Variants in STIM2 observed in about 807,000 individuals in gnomAD.
The protein encoded by STIM2 is stromal interaction molecule 2.
In STIM2, 31 loss-of-function variants were observed where a neutral mutation model predicts 85.8. The ratio of observed to expected loss-of-function variants is 0.36; its 90% confidence interval spans 0.27 to 0.49. The LOEUF (loss-of-function observed/expected upper bound fraction) is 0.49, where lower values mean the gene tolerates loss of function less well. STIM2 is among the 20% of genes least tolerant of loss of function. The pLI, the probability that STIM2 is intolerant of heterozygous loss-of-function variation, is 0.98. For missense variants in STIM2, 841 were observed against 927.6 expected, an observed-to-expected ratio of 0.91 and a Z score of 1.21; for synonymous variants, 356 against 331.1, an observed-to-expected ratio of 1.08 and a Z score of -0.82.
chr4:26,905,865 T>A, intron 1 of STIM2, among the ~76,000 whole-genome samples: 1 of 152,142 alleles, frequency 6.6e-6, no homozygotes, highest in Non-Finnish European at 1.5e-5. Flanking sequence ...GGAAAATGTA[T>A]GAGATAAAAG....
At chr4:26,990,170 A>G (rs1727714542) in intron 3 of STIM2, among the ~76,000 whole-genome samples, 1 of 152,198 alleles carries the variant, frequency 6.6e-6, no homozygotes, top group African/African-American at 2.4e-5. Flanking sequence ...CAAAAAGAAC[A>G]CTGCTGGAGA....
At chr4:26,935,381 T>G (rs1390527580) in intron 2 of STIM2, among the ~76,000 whole-genome samples, 1 of 152,218 alleles carries the variant, frequency 6.6e-6, no homozygotes, top group Admixed American at 6.5e-5. Flanking sequence ...ACTCTATACA[T>G]CTTTTAGAAG....
Position 26,861,138 on chromosome 4 carries a change from G to C in STIM2, c.-81G>C, listed in dbSNP as rs765290221. ...CGGGGCGCCGCTGCGCTTTCACCCG[G>C]CTTCTCCTCGGCGCCTTCATCCCGC... is the stretch of plus-strand genomic sequence containing the variant. On this transcript the variant is annotated 5_prime_UTR_variant, in exon 1 of 12. Coordinates refer to ENST00000467087, the MANE Select transcript of STIM2 (RefSeq NM_020860.4). 7.9e-7 allele frequency: 1 copy of C among 1,272,318 alleles called. No homozygotes were observed. Among genetic ancestry groups the C allele is most frequent in the Admixed American group, 3.7e-5 (1 of 26,754 alleles). The allele number at this position is 1,272,318 out of a possible 1,614,324, so 78.8% of individuals were successfully genotyped here.
chr4:26,954,167 A>G (rs1280719579), intron 2 of STIM2, among the ~76,000 whole-genome samples: 1 of 152,172 alleles, frequency 6.6e-6, no homozygotes, highest in Non-Finnish European at 1.5e-5. Flanking sequence ...CAAATACAAC[A>G]TTTAAGTTAC....
rs964397543 is a variant in STIM2 at position 26,958,084 on chromosome 4, G to T, written c.397+358G>T. Among the ~76,000 whole-genome samples the T allele has an allele frequency of 2.0e-5, 3 of 152,204 alleles. No individual in the cohort carries two copies. The East Asian group carries it at 5.8e-4, about 29-fold the overall frequency. ...GTTTTCCTTTTAGTTGTGGAGAATAGTTCCTAATGTTTTTAGGAGGCTATT... is the reference window on the plus strand; with the variant it reads ...GTTTTCCTTTTAGTTGTGGAGAATATTTCCTAATGTTTTTAGGAGGCTATT... On this transcript the variant is annotated intron_variant, in intron 3 of 11. Transcript: ENST00000467087.
chr4:26,945,122 G>A (rs1725767829), intron 2 of STIM2, among the ~76,000 whole-genome samples: 1 of 152,166 alleles, frequency 6.6e-6, no homozygotes, highest in African/African-American at 2.4e-5. Flanking sequence ...GGAGTCTCCA[G>A]TGTGTGTTGT....
At chr4:26,876,883 A>C (rs1021895482) in intron 1 of STIM2, among the ~76,000 whole-genome samples, 3 of 152,134 alleles carry the variant, frequency 2.0e-5, no homozygotes, top group African/African-American at 7.2e-5. Context: ...GGTGATAGAA[A>C]ATATTTTTAC....
At chr4:26,963,211 C>T (rs1726549971) in intron 3 of STIM2, among the ~76,000 whole-genome samples, 1 of 151,966 alleles carries the variant, frequency 6.6e-6, no homozygotes, top group African/African-American at 2.4e-5. Context: ...AAAAAAATTT[C>T]TGGCCATTGA....
At chr4:26,889,307 A>T (rs151236941) in intron 1 of STIM2, among the ~76,000 whole-genome samples, 1 of 152,186 alleles carries the variant, frequency 6.6e-6, no homozygotes, top group Non-Finnish European at 1.5e-5. Context: ...CTACCATTCT[A>T]TTAAGCCAGC....
intron 11 of STIM2, chr4:27,021,220 G>C (rs1038515529): frequency 3.3e-6 from 2 of 614,354 alleles, no homozygotes; most frequent in African/African-American, 1.8e-5. Flanking sequence ...AGTTAATAAG[G>C]CTCCTTGTCC....
intron 3 of STIM2, among the ~76,000 whole-genome samples, chr4:26,985,397 C>T (rs1241816786): frequency 6.6e-6 from 1 of 152,100 alleles, no homozygotes; most frequent in African/African-American, 2.4e-5. Context: ...TTGTAACACT[C>T]AATTGAAATT....
At chr4:27,020,991 G>A in intron 11 of STIM2, 2 of 1,533,542 alleles carry the variant, frequency 1.3e-6, no homozygotes, top group Non-Finnish European at 1.7e-6. Context: ...TCCTTTCATG[G>A]AGTGAACAGT....
intron 1 of STIM2, among the ~76,000 whole-genome samples, chr4:26,908,819 A>G (rs1724226242): frequency 6.6e-6 from 1 of 152,136 alleles, no homozygotes; most frequent in Non-Finnish European, 1.5e-5. Context: ...TAAATGCTCT[A>G]TTTCCACTTT....
chr4:26,870,720 T>G (rs983470675), intron 1 of STIM2, among the ~76,000 whole-genome samples: 1 of 152,118 alleles, frequency 6.6e-6, no homozygotes, highest in Admixed American at 6.6e-5. Context: ...AATTTCAAGA[T>G]CAGTAAGATA....
intron 3 of STIM2, among the ~76,000 whole-genome samples, chr4:26,992,124 C>T (rs935576253): frequency 6.6e-6 from 1 of 151,914 alleles, no homozygotes; most frequent in African/African-American, 2.4e-5. Context: ...ATCGCTTGTA[C>T]CCCAAAAGCT....
chr4:27,003,681 G>GA (rs570127767), intron 7 of STIM2, among the ~76,000 whole-genome samples: 34 of 142,502 alleles, frequency 2.4e-4, no homozygotes, highest in South Asian at 9.1e-4. Context: ...GCTGTAAAAA[G>GA]AAAAAAAAAA....
At chr4:26,879,689 A>G (rs866806134) in intron 1 of STIM2, among the ~76,000 whole-genome samples, 12 of 152,224 alleles carry the variant, frequency 7.9e-5, no homozygotes, top group Middle Eastern at 3.2e-3. Flanking sequence ...TTCCACAAAC[A>G]TTAGTAATAT....
intron 3 of STIM2, among the ~76,000 whole-genome samples, chr4:26,983,164 A>G (rs1727462005): frequency 6.6e-6 from 1 of 152,238 alleles, no homozygotes; most frequent in South Asian, 2.1e-4. Flanking sequence ...TGGGAGAAAA[A>G]TCGGAATGCA....
At chr4:26,863,203 G>GA (rs796075461) in intron 1 of STIM2, among the ~76,000 whole-genome samples, 7 of 152,044 alleles carry the variant, frequency 4.6e-5, no homozygotes, top group African/African-American at 1.7e-4. Context: ...ATTCTTATTG[G>GA]AAAAAAATCC....
Sources: gnomAD v4.1 joint callset for allele counts (sites outside exome capture counted in the v4.1 genomes callset) on GRCh38, gnomAD v4.1.1 for gene constraint, MANE v1.5 for transcripts, NCBI Gene and HGNC (gene_info 2026-07-23, HGNC 2026-07-21) for gene names.